The following BCAM variants were observed in gnomAD, a reference collection of about 807,000 sequenced individuals.
BCAM encodes the protein basal cell adhesion molecule (Lutheran blood group), also known as basal cell adhesion molecule.
A neutral mutation model predicts 72.4 loss-of-function variants in BCAM; 61 were observed. The ratio of observed to expected loss-of-function variants is 0.84; its 90% CI spans 0.69 to 1.04. The LOEUF is 1.04. Among genes scored for constraint, BCAM ranks in the 50% least tolerant of loss-of-function variants. The probability of loss-of-function intolerance (pLI) is 0.00; values close to 1 mark genes in which losing one functional copy is unlikely to be tolerated. For synonymous variants in BCAM, 408 were observed against 384.2 expected, an observed-to-expected ratio of 1.06 and a Z score of -0.73; for missense variants, 909 against 895.0, an observed-to-expected ratio of 1.02 and a Z score of -0.20.
rs773417238 is a variant in BCAM, at chr19:44,812,375, G to A, written c.417G>A (p.Ala139=). 1.9e-5 allele frequency: 30 copies of A among 1,613,860 alleles called. No homozygotes were observed. Among genetic ancestry groups the A allele is most frequent in the African/African-American group, 1.1e-4 (8 of 74,950 alleles). ...CGGCAGGCACTGCTGAGGCCACTGCGCGGCTCAACGTGTTTGGTAAGTGTC... is the reference window on the plus strand; with the variant it reads ...CGGCAGGCACTGCTGAGGCCACTGCACGGCTCAACGTGTTTGGTAAGTGTC... ...AGAAGTAEAT[A]RLNVFAKPEA... is the part of the protein sequence containing the mutation. The change falls in exon 3 of 15, where the codon GCG becomes GCA. Residue 139 remains alanine (A), a synonymous_variant. Coordinates refer to ENST00000270233, the MANE Select transcript of BCAM (RefSeq NM_005581.5). The surrounding 1 kb of genome is among the most constrained non-coding windows in gnomAD (Gnocchi z 5.3).
chr19:44,813,054 G>A lies in BCAM; in HGVS notation c.505-196G>A. ...GAGAGCTGGGGGACCCAGAATCCTT[G>A]GTCCCTGGAGGATGGTGCTGGAGGC... On this transcript the variant is annotated intron_variant, in intron 4 of 14. Coordinates refer to ENST00000270233, the MANE Select transcript of BCAM (RefSeq NM_005581.5). The surrounding 1 kb of genome is among the most constrained non-coding windows in gnomAD (Gnocchi z 4.2). The A allele has an allele frequency of 3.3e-6, 2 of 602,830 alleles. No homozygotes were observed. The highest frequency in any genetic ancestry group is 2.1e-5 in the South Asian group (1 of 47,058). The allele number at this position is 602,830 out of a possible 1,614,324, so 37.3% of individuals were successfully genotyped here.
In BCAM at chr19:44,819,913, C is replaced by T. The variant is rs1968561171; in HGVS notation, c.1763+187C>T. ...AACCCAGCCCCAGACTAATCCACAG[C>T]CATCCCCAACTCATCCTCATCCCCA... On this transcript the variant is annotated intron_variant, in intron 13 of 14. Transcript: ENST00000270233. The T allele has an allele frequency of 4.4e-6, 6 of 1,365,630 alleles. No homozygotes were observed. In the South Asian group the frequency reaches 8.9e-5, roughly 20 times the overall value. 84.6% of individuals were successfully genotyped at this position (1,365,630 alleles called of 1,614,324 possible). A position where few individuals can be genotyped will look rare whatever the true frequency, so the allele number is the denominator to read the frequency against.
rs78735883 is a variant in BCAM, at chr19:44,814,908, G to GTT, written c.1078+166_1078+167dup. The GTT allele has an allele frequency of 0.017, 8,624 of 511,002 alleles. No individual in the cohort carries two copies. The highest frequency in any genetic ancestry group is 0.019 in the Non-Finnish European group (6,654 of 351,930). 31.7% of individuals were successfully genotyped at this position (511,002 alleles called of 1,614,324 possible). A position where few individuals can be genotyped will look rare whatever the true frequency, so the allele number is the denominator to read the frequency against. On this transcript the variant is annotated intron_variant, in intron 8 of 14. Transcript: ENST00000270233. This position sits in a 1 kb window ranked among gnomAD's most constrained non-coding sequence, Gnocchi z 4.6. ...GCATTTCTTGGGGGTTTTTTTGGTT[G>GTT]TTTTTTTTTTTTTTTTTTTCCCAGA...
Position 44,820,902 on chromosome 19 carries a change from C to T in BCAM, c.1882-14C>T, listed in dbSNP as rs1411057738. On this transcript the variant is annotated splice_polypyrimidine_tract_variant and intron_variant, in intron 14 of 14. Coordinates refer to ENST00000270233, the MANE Select transcript of BCAM (RefSeq NM_005581.5). Reference sequence around the variant, plus strand: ...GCCCGTGGGCACAGGCTGACCTCTCCATCCGCTCCCCAGTGCTGAGCCAAG... The same window carrying T: ...GCCCGTGGGCACAGGCTGACCTCTCTATCCGCTCCCCAGTGCTGAGCCAAG... 6.4e-7 allele frequency: 1 copy of T among 1,560,674 alleles called. No homozygotes were observed. The highest frequency in any genetic ancestry group is 8.7e-7 in the Non-Finnish European group (1 of 1,153,200).
chr19:44,818,758 C>T lies in BCAM; in HGVS notation c.1212C>T (p.Gly404=), dbSNP rs184565168. The T allele has an allele frequency of 7.6e-5, 123 of 1,614,076 alleles. 1 individual carries two copies. The East Asian group carries it at 2.4e-3, about 31-fold the overall frequency. Residue 404 remains glycine, a synonymous_variant, in exon 10 of 15, where the codon GGC becomes GGT. Coordinates refer to ENST00000270233, the MANE Select transcript of BCAM (RefSeq NM_005581.5). The surrounding 1 kb of genome is among the most constrained non-coding windows in gnomAD (Gnocchi z 4.6). ...LRWTKDSTPL[G]DGPMLSLSSI... The stretch of plus-strand genomic sequence containing the variant: ...CTTCCCAGGACTCCACTCCCCTGGG[C>T]GATGGCCCCATGCTGTCGCTCAGTT...
Position 44,819,429 on chromosome 19 carries a change from C to T in BCAM, c.1557C>T (p.Gly519=). 2 of 1,614,092 alleles carry T rather than the reference C, an allele frequency of 1.2e-6. No homozygotes were observed. The highest frequency in any genetic ancestry group is 1.3e-5 in the African/African-American group (1 of 75,042). ...LKVTSALSRD[G]ISCEASNPHG... ...TGACCAGCGCCCTGAGCCGCGATGG[C>T]ATCTCCTGTGAAGCCTCCAACCCCC... Residue 519 remains glycine (G), a synonymous_variant, in exon 12 of 15, where the codon GGC becomes GGT. Coordinates refer to ENST00000270233, the MANE Select transcript of BCAM (RefSeq NM_005581.5).
Position 44,813,605 on chromosome 19 carries a change from C to A in BCAM, c.769C>A (p.His257Asn). 1 of 1,612,342 alleles carries A rather than the reference C, an allele frequency of 6.2e-7. No individual in the cohort carries two copies. Among genetic ancestry groups the A allele is most frequent in the Middle Eastern group, 1.7e-4 (1 of 6,060 alleles). Residue 257 changes from histidine to asparagine, a missense_variant, in exon 6 of 15, where the codon CAC (histidine) becomes AAC (asparagine). Physicochemically the swap from His to Asn is moderately conservative, Grantham distance 68. Coordinates refer to ENST00000270233, the MANE Select transcript of BCAM (RefSeq NM_005581.5). This position sits in a 1 kb window ranked among gnomAD's most constrained non-coding sequence, Gnocchi z 4.2. ...RHGRLDSPTF[H>N]LTLHYPTEHV... ...CGGCCGCCTGGACAGCCCCACCTTCCACCTCACCCTGCACTGTGAGTCTGT... is the reference window on the plus strand; with the variant it reads ...CGGCCGCCTGGACAGCCCCACCTTCAACCTCACCCTGCACTGTGAGTCTGT...
Position 44,820,929 on chromosome 19 carries a change from A to G in BCAM, c.*8A>G. On this transcript the variant is annotated 3_prime_UTR_variant, in exon 15 of 15. Coordinates refer to ENST00000270233, the MANE Select transcript of BCAM (RefSeq NM_005581.5). ...TCCGCTCCCCAGTGCTGAGCCAAGA[A>G]CCTCCTAGAGGCTGTCCCTGGACCT... The G allele has an allele frequency of 6.4e-7, 1 of 1,560,194 alleles. No homozygotes were observed. Among genetic ancestry groups the G allele is most frequent in the South Asian group, 1.2e-5 (1 of 84,354 alleles).
In BCAM at chr19:44,821,113, AGGGTGGGTGGGT is replaced by A. The variant is rs943763323; in HGVS notation, c.*196_*207del. 2 of 173,996 alleles carry A rather than the reference AGGGTGGGTGGGT, an allele frequency of 1.1e-5. No individual in the cohort carries two copies. The highest frequency in any genetic ancestry group is 7.9e-5 in the African/African-American group (2 of 25,250). 10.8% of individuals were successfully genotyped at this position (173,996 alleles called of 1,614,324 possible). On this transcript the variant is annotated 3_prime_UTR_variant, in exon 15 of 15. Transcript: ENST00000270233. The stretch of plus-strand genomic sequence containing the variant: ...CTGCCTCCGGGAGGGAAGGAGAGGG[AGGGTGGGTGGGT>A]GGGAGGGGGCCTTCCTCCAGGGAAT...
rs1968459048 is a variant in BCAM at position 44,813,526 on chromosome 19, C to T, written c.690C>T (p.Asp230=). The T allele has an allele frequency of 6.2e-7, 1 of 1,612,594 alleles. No homozygotes were observed. The highest frequency in any genetic ancestry group is 1.1e-5 in the South Asian group (1 of 91,084). The change falls in exon 6 of 15, where the codon GAC becomes GAT. Residue 230 remains aspartate (D), a synonymous_variant. Coordinates refer to ENST00000270233, the MANE Select transcript of BCAM (RefSeq NM_005581.5). The surrounding 1 kb of genome is among the most constrained non-coding windows in gnomAD (Gnocchi z 4.2). The stretch of plus-strand genomic sequence containing the variant: ...TCTACCTGCGGCTCCGCAAGGATGA[C>T]CGAGACGCCAGCTTCCACTGCGCCG... ...STLYLRLRKD[D]RDASFHCAAH...
Position 44,814,213 on chromosome 19 carries a change from C to T in BCAM, c.846C>T (p.Arg282=), listed in dbSNP as rs771831123. The T allele has an allele frequency of 9.5e-6, 15 of 1,585,768 alleles. No homozygotes were observed. The highest frequency in any genetic ancestry group is 6.8e-5 in the African/African-American group (5 of 73,538). Residue 282 remains arginine (R), a synonymous_variant, in exon 7 of 15, where the codon CGC becomes CGT. Transcript: ENST00000270233. The surrounding 1 kb of genome is among the most constrained non-coding windows in gnomAD (Gnocchi z 4.6). ...CGTCCACCCCAGCAGGCTGGGTACG[C>T]GAGGGTGACACTGTCCAGCTGCTCT... ...GSPSTPAGWV[R]EGDTVQLLCR... is the part of the protein sequence containing the mutation.
In BCAM at chr19:44,819,484, G is replaced by A. The variant is rs145626518; in HGVS notation, c.1612G>A (p.Gly538Ser). The A allele has an allele frequency of 2.2e-4, 360 of 1,613,956 alleles. No homozygotes were observed. Among genetic ancestry groups the A allele is most frequent in the Non-Finnish European group, 2.2e-4 (258 of 1,179,912 alleles). ...HGNKRHVFHF[G>S]TVSPQTSQAG... is the part of the protein sequence containing the mutation. The stretch of plus-strand genomic sequence containing the variant: ...GAACAAGCGCCATGTCTTCCACTTC[G>A]GCACCGGTGAGTGACTGAGGTGGTG... The change falls in exon 12 of 15, where the codon GGC (glycine) becomes AGC (serine). Residue 538 changes from glycine (G) to serine (S), a missense_variant. Transcript: ENST00000270233.
chr19:44,820,321 C>A (rs1173079832), intron 13 of BCAM: 3 of 1,047,604 alleles, frequency 2.9e-6, no homozygotes, highest in Admixed American at 5.3e-5. Context: ...CACCCATGTC[C>A]CCATCCCCAA....
At position 44,812,411 on chromosome 19, in the gene BCAM, C is replaced by A. The variant is rs748242887; in HGVS notation, c.433+20C>A. On this transcript the variant is annotated intron_variant, in intron 3 of 14. Transcript: ENST00000270233. The surrounding 1 kb of genome is among the most constrained non-coding windows in gnomAD (Gnocchi z 5.3). ...TGTTTGGTAAGTGTCCTCGGGCATC[C>A]CCCGAAGGGAGGCAGGCAGGGAGGG... The A allele has an allele frequency of 1.4e-5, 22 of 1,613,930 alleles. No individual in the cohort carries two copies. The highest frequency in any genetic ancestry group is 1.8e-5 in the Non-Finnish European group (21 of 1,179,950).
rs1227524828 is a variant in BCAM, at chr19:44,813,565, G to T, written c.729G>T (p.Leu243=). The T allele has an allele frequency of 1.9e-6, 3 of 1,612,514 alleles. No individual in the cohort carries two copies. The highest frequency in any genetic ancestry group is 1.1e-5 in the South Asian group (1 of 91,044). Residue 243 remains leucine (L), a synonymous_variant, in exon 6 of 15, where the codon CTG becomes CTT. Coordinates refer to ENST00000270233, the MANE Select transcript of BCAM (RefSeq NM_005581.5). This position sits in a 1 kb window ranked among gnomAD's most constrained non-coding sequence, Gnocchi z 4.2. The part of the protein sequence containing the change: ...ASFHCAAHYS[L]PEGRHGRLDS... ...TCCACTGCGCCGCCCACTACAGCCT[G>T]CCCGAGGGCCGCCACGGCCGCCTGG...
rs994867477 is a variant in BCAM at position 44,819,689 on chromosome 19, G to A, written c.1726G>A (p.Gly576Ser). The change falls in exon 13 of 15, where the codon GGC (glycine) becomes AGC (serine). Residue 576 changes from glycine (G) to serine (S), a missense_variant. Transcript: ENST00000270233. Reference sequence around the variant, plus strand: ...CTTCTACTGCGTGAGACGCAAAGGGGGCCCCTGCTGCCGCCAGCGGCGGGA... The same window carrying A: ...CTTCTACTGCGTGAGACGCAAAGGGAGCCCCTGCTGCCGCCAGCGGCGGGA... ...AVFYCVRRKG[G>S]PCCRQRREKG... 5 of 1,611,774 alleles carry A rather than the reference G, an allele frequency of 3.1e-6. No homozygotes were observed. In the Admixed American group the frequency reaches 6.7e-5, roughly 22 times the overall value.
In BCAM at chr19:44,820,784, G is replaced by A. The variant is rs142089839; in HGVS notation, c.1843G>A (p.Gly615Arg). The A allele has an allele frequency of 3.2e-5, 48 of 1,506,212 alleles. No individual in the cohort carries two copies. The highest frequency in any genetic ancestry group is 1.5e-4 in the East Asian group (6 of 39,042). 93.3% of individuals were successfully genotyped at this position (1,506,212 alleles called of 1,614,324 possible). The change falls in exon 14 of 15, where the codon GGA becomes AGA. Residue 615 changes from glycine to arginine, a missense_variant. Gly to Arg is a moderately radical substitution (Grantham distance 125). Transcript: ENST00000270233. ...CGGCCTTCTCATGGGAGGTGCCTCC[G>A]GAGGAGCCAGGGGTGGCAGCGGGGG... ...QTGLLMGGAS[G>R]GARGGSGGFG...
In BCAM at chr19:44,809,106, C is replaced by A; in HGVS notation, c.-19C>A. The A allele has an allele frequency of 7.0e-7, 1 of 1,421,698 alleles. No homozygotes were observed. Among genetic ancestry groups the A allele is most frequent in the East Asian group, 3.1e-5 (1 of 32,588 alleles). 88.1% of individuals were successfully genotyped at this position (1,421,698 alleles called of 1,614,324 possible). A position where few individuals can be genotyped will look rare whatever the true frequency, so the allele number is the denominator to read the frequency against. ...GGCCGAGCTGCAGCCCGGGCTCAGT[C>A]TCCGCCGCCGCCGTGAACATGGAGC... On this transcript the variant is annotated 5_prime_UTR_variant, in exon 1 of 15. Coordinates refer to ENST00000270233, the MANE Select transcript of BCAM (RefSeq NM_005581.5).
In BCAM at chr19:44,812,949, CA is replaced by C. The variant is rs1207051227; in HGVS notation, c.505-284del. The C allele has an allele frequency of 0.18, 34,827 of 193,798 alleles. 128 individuals are homozygous for C. Among genetic ancestry groups the C allele is most frequent in the Middle Eastern group, 0.21 (144 of 696 alleles). The allele number at this position is 193,798 out of a possible 1,614,324, so 12.0% of individuals were successfully genotyped here. On this transcript the variant is annotated intron_variant, in intron 4 of 14. Coordinates refer to ENST00000270233, the MANE Select transcript of BCAM (RefSeq NM_005581.5). The surrounding 1 kb of genome is among the most constrained non-coding windows in gnomAD (Gnocchi z 5.3). ...TGGGCCACAGAGCAATACTCCGTCT[CA>C]AAAAAAAAAAAAAAAAGAAGAAGAA...
Sources: allele counts gnomAD v4.1 joint callset, GRCh38; gene constraint gnomAD v4.1.1; non-coding constraint Gnocchi (gnomAD v3.1); transcripts MANE v1.5; gene names NCBI Gene and HGNC (gene_info 2026-07-23, HGNC 2026-07-21).